The following DMD variants were observed in gnomAD, a reference collection of about 807,000 sequenced individuals.
The protein encoded by DMD is mutant dystrophin.
DMD carries 63 observed loss-of-function variants against 330.1 expected under a neutral mutation model. The ratio of observed to expected loss-of-function variants is 0.19; its 90% CI spans 0.16 to 0.24. The LOEUF (loss-of-function observed/expected upper bound fraction) is 0.24. Ranked by LOEUF, DMD falls within the 10% of genes least tolerant of loss-of-function variation. The probability of loss-of-function intolerance (pLI) is 1.00; values close to 1 mark genes in which losing one functional copy is unlikely to be tolerated. For missense variants in DMD, 3,344 were observed against 2,684.1 expected (o/e 1.25, Z -5.43); for synonymous variants, 1,223 against 959.8 (o/e 1.27, Z -5.07).
chrX:31,290,304 G>A (rs912161954), intron 62 of DMD, among the ~76,000 whole-genome samples: 1 of 110,881 alleles, frequency 9.0e-6, no homozygotes, highest in Admixed American at 9.7e-5. Context: ...AATGCATTTG[G>A]TGATGGTAGT....
rs1021350996 is a variant in DMD at position 32,319,245 on chromosome X, T to C, written c.5923-8969A>G. Among the ~76,000 whole-genome samples the C allele has an allele frequency of 7.2e-5, 8 of 110,498 alleles. No homozygotes were observed. The East Asian group carries it at 2.3e-3, about 32-fold the overall frequency. ...ATAAGTATCAACACATAAGCAGCAATATATAAGCACCAACAATCATGGCCT... is the reference window on the plus strand; with the variant it reads ...ATAAGTATCAACACATAAGCAGCAACATATAAGCACCAACAATCATGGCCT... On this transcript the variant is annotated intron_variant, in intron 41 of 78. Transcript: ENST00000357033.
chrX:31,511,432 C>T (rs1395230591), intron 55 of DMD, among the ~76,000 whole-genome samples: 1 of 101,916 alleles, frequency 9.8e-6, no homozygotes, highest in East Asian at 3.2e-4. Flanking sequence ...GCTGCACCCA[C>T]TAACTCATCA....
At chrX:32,070,375 G>A (rs920537632) in intron 44 of DMD, among the ~76,000 whole-genome samples, 1 of 110,896 alleles carries the variant, frequency 9.0e-6, no homozygotes, top group Admixed American at 9.7e-5. Flanking sequence ...TCTCATCTAT[G>A]TAACACTGAC....
intron 62 of DMD, among the ~76,000 whole-genome samples, chrX:31,287,837 C>T (rs2053348587): frequency 8.9e-6 from 1 of 111,784 alleles, no homozygotes; most frequent in Admixed American, 9.5e-5. Context: ...GTAAATATTT[C>T]TCATTTATAT....
At chrX:33,139,021 C>T (rs2047658181) in intron 1 of DMD, among the ~76,000 whole-genome samples, 1 of 111,295 alleles carries the variant, frequency 9.0e-6, no homozygotes, top group African/African-American at 3.3e-5. Flanking sequence ...CACATAAAAC[C>T]AGTCCGGGAG....
At chrX:32,181,398 T>A (rs1337310865) in intron 44 of DMD, among the ~76,000 whole-genome samples, 1 of 112,095 alleles carries the variant, frequency 8.9e-6, no homozygotes, top group African/African-American at 3.2e-5. Context: ...ATTGGATATA[T>A]CATTGCTTCC....
At chrX:32,348,851 T>G (rs538798412) in intron 37 of DMD, among the ~76,000 whole-genome samples, 10 of 111,819 alleles carry the variant, frequency 8.9e-5, no homozygotes, top group South Asian at 3.6e-4. Context: ...GACCTTATTT[T>G]AAATATTCTG....
intron 17 of DMD, among the ~76,000 whole-genome samples, chrX:32,529,525 C>A (rs1208941188): frequency 1.9e-5 from 2 of 105,271 alleles, no homozygotes; most frequent in African/African-American, 3.5e-5. Context: ...TCCCGAGTAC[C>A]TAGGATTAGG....
chrX:31,829,635 G>A (rs2092975538), intron 49 of DMD, among the ~76,000 whole-genome samples: 1 of 106,816 alleles, frequency 9.4e-6, no homozygotes, highest in African/African-American at 3.4e-5. Flanking sequence ...GAAAAATAAT[G>A]TATTTGTTTA....
intron 47 of DMD, among the ~76,000 whole-genome samples, chrX:31,928,659 A>G (rs962930259): frequency 1.8e-5 from 2 of 111,310 alleles, no homozygotes; most frequent in African/African-American, 6.5e-5. Flanking sequence ...TGATGGTTGT[A>G]ATAAATGCCA....
At chrX:32,938,263 T>A (rs962250704) in intron 2 of DMD, among the ~76,000 whole-genome samples, 1 of 111,500 alleles carries the variant, frequency 9.0e-6, no homozygotes, top group African/African-American at 3.3e-5. Flanking sequence ...ATCGAATTTA[T>A]CGGGTTTGGG....
intron 67 of DMD, among the ~76,000 whole-genome samples, chrX:31,195,829 G>A (rs1368424696): frequency 1.8e-5 from 2 of 109,120 alleles, no homozygotes; most frequent in East Asian, 2.9e-4. Context: ...AGGCGGGAGG[G>A]AGGGCAGGAA....
At chrX:31,695,090 A>G (rs961852663) in intron 52 of DMD, among the ~76,000 whole-genome samples, 4 of 111,577 alleles carry the variant, frequency 3.6e-5, no homozygotes, top group African/African-American at 1.3e-4. Context: ...ATTTAGCAAT[A>G]AAAAAGAATT....
intron 44 of DMD, among the ~76,000 whole-genome samples, chrX:32,077,173 A>G (rs1603624212): frequency 9.0e-6 from 1 of 111,323 alleles, no homozygotes. Context: ...GAAAAGGGGC[A>G]GAAGGGGGCC....
chrX:32,116,793 C>A (rs2096612579), intron 44 of DMD, among the ~76,000 whole-genome samples: 1 of 111,829 alleles, frequency 8.9e-6, no homozygotes, highest in African/African-American at 3.3e-5. Context: ...CAAACATTAC[C>A]TTTCATTAGT....
intron 44 of DMD, among the ~76,000 whole-genome samples, chrX:31,980,798 GAACA>G (rs2095471181): frequency 9.0e-6 from 1 of 111,703 alleles, no homozygotes. Context: ...TGTTATGTAA[GAACA>G]AACTCTTCCT....
intron 47 of DMD, among the ~76,000 whole-genome samples, chrX:31,886,471 TACTC>T (rs1478291970): frequency 4.5e-5 from 5 of 111,418 alleles, no homozygotes; most frequent in Non-Finnish European, 9.4e-5. Flanking sequence ...AAAAGACAAA[TACTC>T]AATTAAAAAG....
chrX:33,105,203 G>A (rs1309575301), intron 1 of DMD, among the ~76,000 whole-genome samples: 2 of 111,696 alleles, frequency 1.8e-5, no homozygotes, highest in African/African-American at 6.5e-5. Flanking sequence ...AATAAATGGT[G>A]CTGGGAAAAT....
intron 7 of DMD, among the ~76,000 whole-genome samples, chrX:32,759,282 G>A (rs1250150170): frequency 8.9e-6 from 1 of 111,761 alleles, no homozygotes; most frequent in Non-Finnish European, 1.9e-5. Context: ...GGGTCCTCTG[G>A]CACAATACTA....
Sources: allele counts gnomAD v4.1 joint callset (sites outside exome capture counted in the v4.1 genomes callset), GRCh38; gene constraint gnomAD v4.1.1; transcripts MANE v1.5; gene names NCBI Gene and HGNC (gene_info 2026-07-23, HGNC 2026-07-21).